The following VEZF1 variants were observed in gnomAD, a reference collection of about 807,000 sequenced individuals.
The protein encoded by VEZF1 is vascular endothelial zinc finger 1.
A neutral mutation model predicts 44.1 loss-of-function variants in VEZF1; 5 were observed. That is an observed-to-expected ratio of 0.11 (90% CI 0.06 to 0.24). The LOEUF is 0.24. VEZF1 is among the 10% of genes least tolerant of loss of function. The pLI is 1.00. For missense variants in VEZF1, 358 were observed against 641.8 expected (o/e 0.56, Z 4.78); for synonymous variants, 236 against 233.1 (o/e 1.01, Z -0.11).
At chr17:57,980,819 A>G (rs754724493) in intron 3 of VEZF1, 33 bp from the exon 4 acceptor site, 2 of 1,608,244 alleles carry the variant, frequency 1.2e-6, no homozygotes, top group East Asian at 2.2e-5. Flanking sequence ...TTTTAAATAT[A>G]GACTATCCTG....
chr17:57,987,975 A>C (rs571167211), intron 1 of VEZF1, 104 bp downstream of exon 1: 21 of 173,394 alleles, frequency 1.2e-4, no homozygotes, highest in Non-Finnish European at 2.2e-4. Flanking sequence ...GCCGGGCCGG[A>C]GAGCGGAGCC....
At position 57,983,400 on chromosome 17, in the gene VEZF1, C is replaced by G. The variant is rs368596996; in HGVS notation, c.34-7G>C. The G allele has an allele frequency of 6.3e-7, 1 of 1,592,776 alleles. No homozygotes were observed. The highest frequency in any genetic ancestry group is 8.5e-7 in the Non-Finnish European group (1 of 1,173,760). ...GATGGGAAGCTTCATGGGCCTAAAACCAAACATTTACACTTCAGAAACTCA... is the reference window on the plus strand; with the variant it reads ...GATGGGAAGCTTCATGGGCCTAAAAGCAAACATTTACACTTCAGAAACTCA... On this transcript the variant is annotated splice_region_variant and splice_polypyrimidine_tract_variant and intron_variant, in intron 1 of 5. Transcript: ENST00000581208.
chr17:57,978,937 G>A (rs1429492154), intron 5 of VEZF1, among the ~76,000 whole-genome samples: 2 of 152,184 alleles, frequency 1.3e-5, no homozygotes, highest in African/African-American at 4.8e-5. Flanking sequence ...GAACATGATA[G>A]GAAGTACTGA....
In VEZF1 at chr17:57,974,530, T is replaced by C; in HGVS notation, c.1509A>G (p.Arg503=). The C allele has an allele frequency of 6.2e-7, 1 of 1,614,164 alleles. No individual in the cohort carries two copies. Among genetic ancestry groups the C allele is most frequent in the Non-Finnish European group, 8.5e-7 (1 of 1,180,036 alleles). Residue 503 remains arginine (R), a synonymous_variant, in exon 6 of 6, where the codon AGA becomes AGG. Transcript: ENST00000581208. The part of the protein sequence containing the change: ...TLAAPLNIAM[R]PVESMPFLPQ... Reference sequence around the variant, plus strand: ...GCAAGAAAGGCATGCTCTCTACAGGTCTCATTGCTATATTGAGAGGGGCGG... The same window carrying C: ...GCAAGAAAGGCATGCTCTCTACAGGCCTCATTGCTATATTGAGAGGGGCGG...
At chr17:57,982,291 G>GA (rs2075256431) in intron 2 of VEZF1, among the ~76,000 whole-genome samples, 1 of 152,054 alleles carries the variant, frequency 6.6e-6, no homozygotes, top group African/African-American at 2.4e-5. Context: ...GGTGCTCTCA[G>GA]AAAAATGAAA....
In VEZF1 at chr17:57,974,459, T is replaced by C. The variant is rs1187878978; in HGVS notation, c.*14A>G. 6 of 1,590,526 alleles carry C rather than the reference T, an allele frequency of 3.8e-6. No homozygotes were observed. On this transcript the variant is annotated 3_prime_UTR_variant, in exon 6 of 6. Transcript: ENST00000581208. ...ATATTTACTTTTACCCATATTTTGA[T>C]TTTATAATACTGTTTACCAAGGCGG... is the stretch of plus-strand genomic sequence containing the variant.
At chr17:57,985,142 A>T (rs2075283641) in intron 1 of VEZF1, 4 of 605,062 alleles carry the variant, frequency 6.6e-6, no homozygotes, top group Non-Finnish European at 9.6e-6. Flanking sequence ...AGGCTAACAG[A>T]TCAGATAATA....
At chr17:57,978,083 G>A (rs1261080272) in intron 5 of VEZF1, among the ~76,000 whole-genome samples, 2 of 151,306 alleles carry the variant, frequency 1.3e-5, no homozygotes, top group African/African-American at 4.9e-5. Context: ...CACACCTGTC[G>A]TCCTGGCTAC....
At chr17:57,987,136 C>A (rs1191453916) in intron 1 of VEZF1, among the ~76,000 whole-genome samples, 5 of 152,232 alleles carry the variant, frequency 3.3e-5, no homozygotes, top group Non-Finnish European at 5.9e-5. Flanking sequence ...ACCAACATCC[C>A]AGAGAGTGAC....
At position 57,983,024 on chromosome 17, in the gene VEZF1, T is replaced by C. The variant is rs745571520; in HGVS notation, c.403A>G (p.Ile135Val). ...RTSLVSTIAG[I>V]LSTVTTSSSG... is the part of the protein sequence containing the mutation. ...GAAGATGTAGTGACTGTTGACAAGA[T>C]GCCTGCAATGGTCGAGACCAACGAA... Residue 135 changes from isoleucine to valine, a missense_variant, in exon 2 of 6, where the codon ATC (isoleucine) becomes GTC (valine). Coordinates refer to ENST00000581208, the MANE Select transcript of VEZF1 (RefSeq NM_007146.3). 2.5e-6 allele frequency: 4 copies of C among 1,614,180 alleles called. No individual in the cohort carries two copies. Among genetic ancestry groups the C allele is most frequent in the South Asian group, 1.1e-5 (1 of 91,084 alleles).
chr17:57,981,751 G>A (rs2075251476), intron 3 of VEZF1, 122 bp downstream of exon 3: 1 of 740,044 alleles, frequency 1.4e-6, no homozygotes, highest in Non-Finnish European at 2.1e-6. Context: ...AGTCAAATGG[G>A]CCACATTTAC....
In VEZF1 at chr17:57,986,635, A is replaced by G. The variant is rs2075296145; in HGVS notation, c.33+1444T>C. 2.6e-5 allele frequency among the ~76,000 whole-genome samples: 4 copies of G among 152,230 alleles called. No individual in the cohort carries two copies. In the South Asian group the frequency reaches 8.3e-4, roughly 32 times the overall value. On this transcript the variant is annotated intron_variant, in intron 1 of 5. Transcript: ENST00000581208. ...TTTTAAGAAGCCCAAATATATTTCCATAACTACTTAAAGATCAAATTGCCC... is the reference window on the plus strand; with the variant it reads ...TTTTAAGAAGCCCAAATATATTTCCGTAACTACTTAAAGATCAAATTGCCC...
At chr17:57,987,922 G>A (rs897809434) in intron 1 of VEZF1, among the ~76,000 whole-genome samples, 157 bp downstream of exon 1, 7 of 151,652 alleles carry the variant, frequency 4.6e-5, no homozygotes, top group Non-Finnish European at 7.4e-5. Context: ...CAGCAGCCCC[G>A]CTTCGCCGGG....
At position 57,979,146 on chromosome 17, in the gene VEZF1, C is replaced by A. The variant is rs752985680; in HGVS notation, c.1138+6G>T. ...CATATTTTCAACACTGGAAGCTGTGCCTTACCTTTCTTCCTTGCTTTAACA... is the reference window on the plus strand; with the variant it reads ...CATATTTTCAACACTGGAAGCTGTGACTTACCTTTCTTCCTTGCTTTAACA... On this transcript the variant is annotated splice_donor_region_variant and intron_variant, in intron 5 of 5. Transcript: ENST00000581208. The A allele has an allele frequency of 6.2e-7, 1 of 1,611,442 alleles. No individual in the cohort carries two copies. Among genetic ancestry groups the A allele is most frequent in the Non-Finnish European group, 8.5e-7 (1 of 1,179,290 alleles).
chr17:57,987,401 T>C (rs1194253950), intron 1 of VEZF1, among the ~76,000 whole-genome samples: 1 of 151,514 alleles, frequency 6.6e-6, no homozygotes, highest in African/African-American at 2.4e-5. Flanking sequence ...AAAAAAAATG[T>C]AAATCCAGTG....
rs1030838803 is a variant in VEZF1, at chr17:57,972,472, C to G, written c.*2001G>C. The G allele has an allele frequency of 6.6e-6, 1 of 152,620 alleles. No individual in the cohort carries two copies. The highest frequency in any genetic ancestry group is 1.5e-5 in the Non-Finnish European group (1 of 68,042). 9.5% of individuals were successfully genotyped at this position (152,620 alleles called of 1,614,324 possible). On this transcript the variant is annotated 3_prime_UTR_variant, in exon 6 of 6. Coordinates refer to ENST00000581208, the MANE Select transcript of VEZF1 (RefSeq NM_007146.3). Reference sequence around the variant, plus strand: ...AGGTCATTCTTGGGCTTTCCCTACACGAGTCCTTCCAGTAGTCCACACATA... The same window carrying G: ...AGGTCATTCTTGGGCTTTCCCTACAGGAGTCCTTCCAGTAGTCCACACATA...
At chr17:57,976,103 A>G (rs1043570180) in intron 5 of VEZF1, among the ~76,000 whole-genome samples, 13 of 152,126 alleles carry the variant, frequency 8.5e-5, no homozygotes, top group African/African-American at 2.9e-4. Flanking sequence ...CTTCTTAAAA[A>G]ATACTTCCCC....
chr17:57,988,026 C>A, intron 1 of VEZF1, 53 bp downstream of exon 1: 1 of 210,102 alleles, frequency 4.8e-6, no homozygotes, highest in Non-Finnish European at 1.0e-5. Flanking sequence ...CCCGCCAGCC[C>A]GGGGCCCGGC....
At chr17:57,986,473 A>G (rs780650769) in intron 1 of VEZF1, among the ~76,000 whole-genome samples, 8 of 152,200 alleles carry the variant, frequency 5.3e-5, no homozygotes, top group Non-Finnish European at 1.0e-4. Flanking sequence ...TGCTAGTTAT[A>G]TATCATTTCT....
Sources: gnomAD v4.1 joint callset for allele counts (sites outside exome capture counted in the v4.1 genomes callset) on GRCh38, gnomAD v4.1.1 for gene constraint, MANE v1.5 for transcripts, NCBI Gene and HGNC (gene_info 2026-07-23, HGNC 2026-07-21) for gene names.